PTPN13: variants seen among roughly 807,000 people sequenced by gnomAD.
The protein encoded by PTPN13 is protein tyrosine phosphatase non-receptor type 13.
PTPN13 carries 191 observed loss-of-function variants against 284.0 expected under a neutral mutation model. The observed-to-expected ratio is 0.67, with a 90% CI of 0.60 to 0.76. The LOEUF is 0.76. PTPN13 is among the 30% of genes least tolerant of loss of function. The pLI is 0.00. For missense variants in PTPN13, 2,797 were observed against 2,939.9 expected, an observed-to-expected ratio of 0.95 and a Z score of 1.12; for synonymous variants, 986 against 1,022.3, an observed-to-expected ratio of 0.96 and a Z score of 0.68.
At chr4:86,804,990 A>AT (rs1744497609) in intron 43 of PTPN13, among the ~76,000 whole-genome samples, 1 of 152,096 alleles carries the variant, frequency 6.6e-6, no homozygotes. Context: ...TTTTAATTGT[A>AT]TTTTTTTCTA....
chr4:86,803,716 C>G lies in PTPN13; in HGVS notation c.6513C>G (p.Ser2171=), dbSNP rs759831837. ...TNHEDSDKDH[S]FLTNDELAVL... is the part of the protein sequence containing the mutation. Reference sequence around the variant, plus strand: ...TTGCTGTCTTCCTATTAGATCATTCCTTTCTGACAAACGATGAGCTCGCTG... The same window carrying G: ...TTGCTGTCTTCCTATTAGATCATTCGTTTCTGACAAACGATGAGCTCGCTG... Residue 2171 remains serine (S), a synonymous_variant, in exon 43 of 48, where the codon TCC becomes TCG. Coordinates refer to ENST00000411767, the MANE Select transcript of PTPN13 (RefSeq NM_080683.3). 1 of 1,613,520 alleles carries G rather than the reference C, an allele frequency of 6.2e-7. No individual in the cohort carries two copies. Among genetic ancestry groups the G allele is most frequent in the Non-Finnish European group, 8.5e-7 (1 of 1,179,584 alleles).
chr4:86,611,160 T>A (rs1765228313), intron 1 of PTPN13, among the ~76,000 whole-genome samples: 1 of 152,178 alleles, frequency 6.6e-6, no homozygotes. Flanking sequence ...TTTGCAAGAG[T>A]TATAAAATAA....
chr4:86,600,458 T>A (rs973799969), intron 1 of PTPN13, among the ~76,000 whole-genome samples: 28 of 84,568 alleles, frequency 3.3e-4, no homozygotes, highest in East Asian at 9.4e-4. Context: ...TTTTTTTTTT[T>A]ACCTATTCTG....
chr4:86,700,716 A>G (rs1731065698), intron 6 of PTPN13, among the ~76,000 whole-genome samples: 1 of 152,202 alleles, frequency 6.6e-6, no homozygotes, highest in African/African-American at 2.4e-5. Context: ...AAATCTTGAT[A>G]CTTAAGAATT....
chr4:86,657,436 C>T (rs536351197), intron 2 of PTPN13, among the ~76,000 whole-genome samples: 1 of 152,196 alleles, frequency 6.6e-6, no homozygotes, highest in Non-Finnish European at 1.5e-5. Flanking sequence ...GGAAGATTCC[C>T]TAGGTTAGCA....
intron 1 of PTPN13, among the ~76,000 whole-genome samples, chr4:86,622,831 A>G (rs1721408327): frequency 6.6e-6 from 1 of 152,206 alleles, no homozygotes; most frequent in Admixed American, 6.5e-5. Flanking sequence ...TGCCCACCGC[A>G]TATATTCAGT....
chr4:86,699,515 A>C (rs1002992755), intron 6 of PTPN13, among the ~76,000 whole-genome samples: 4 of 152,206 alleles, frequency 2.6e-5, no homozygotes, highest in Non-Finnish European at 5.9e-5. Context: ...TAGGGAGTTA[A>C]GTTAGAAAAT....
chr4:86,797,960 T>C (rs1007096811), intron 41 of PTPN13, among the ~76,000 whole-genome samples: 72 of 152,262 alleles, frequency 4.7e-4, no homozygotes, highest in African/African-American at 1.6e-3. Flanking sequence ...TTTATTAACA[T>C]AAGCTCCATC....
chr4:86,690,314 C>G (rs746343430), intron 5 of PTPN13: 1 of 152,120 alleles, frequency 6.6e-6, no homozygotes, highest in Non-Finnish European at 1.5e-5. Context: ...TCTGTCCAGA[C>G]CAAAGTTTCT....
chr4:86,804,122 TA>T lies in PTPN13; in HGVS notation c.6654+280del, dbSNP rs76642242. The stretch of plus-strand genomic sequence containing the variant: ...GCCTCATAGTTAAGGTAAAAATGTT[TA>T]AAAAAAAAAAAAAAGCCAAGTATAA... On this transcript the variant is annotated intron_variant, in intron 43 of 47. Transcript: ENST00000411767. Among the ~76,000 whole-genome samples, 910 of 135,154 alleles carry T rather than the reference TA, an allele frequency of 6.7e-3. 6 individuals carry two copies. Among genetic ancestry groups the T allele is most frequent in the East Asian group, 0.016 (73 of 4,696 alleles). The allele number at this position is 135,154 out of a possible 152,430, so 88.7% of individuals were successfully genotyped here.
rs573298724 is a variant in PTPN13 at position 86,767,610 on chromosome 4, A to C, written c.4330-207A>C. On this transcript the variant is annotated intron_variant, in intron 27 of 47. Coordinates refer to ENST00000411767, the MANE Select transcript of PTPN13 (RefSeq NM_080683.3). The stretch of plus-strand genomic sequence containing the variant: ...ATTCTTTTTAATCATTTATCTTTCT[A>C]TACAGAAATGTAATAAAAACTTGAT... Among the ~76,000 whole-genome samples the C allele has an allele frequency of 4.6e-5, 7 of 152,080 alleles. 1 individual carries two copies. Among genetic ancestry groups the C allele is most frequent in the Admixed American group, 3.9e-4 (6 of 15,286 alleles).
chr4:86,776,649 A>G (rs560714186), intron 35 of PTPN13, among the ~76,000 whole-genome samples: 3 of 152,304 alleles, frequency 2.0e-5, no homozygotes, highest in East Asian at 3.9e-4. Flanking sequence ...AACCTACCAA[A>G]CATCACAGCT....
At chr4:86,611,176 C>A (rs1765229160) in intron 1 of PTPN13, among the ~76,000 whole-genome samples, 1 of 152,168 alleles carries the variant, frequency 6.6e-6, no homozygotes, top group Non-Finnish European at 1.5e-5. Flanking sequence ...AATAAAAATC[C>A]TCTTGTACAA....
At chr4:86,699,164 G>A (rs1490234188) in intron 6 of PTPN13, among the ~76,000 whole-genome samples, 2 of 152,066 alleles carry the variant, frequency 1.3e-5, no homozygotes. Context: ...GAGGTGGGCA[G>A]ATCACGAGGT....
chr4:86,813,980 C>CACAATTCTAT (rs1181399194), intron 47 of PTPN13, among the ~76,000 whole-genome samples: 1 of 148,206 alleles, frequency 6.7e-6, no homozygotes, highest in African/African-American at 2.5e-5. Flanking sequence ...TATAATACCA[C>CACAATTCTAT]ACAATTCTAT....
At chr4:86,603,529 G>C (rs1764492866) in intron 1 of PTPN13, among the ~76,000 whole-genome samples, 1 of 151,966 alleles carries the variant, frequency 6.6e-6, no homozygotes, top group African/African-American at 2.4e-5. Context: ...AAAATTATTT[G>C]GTATTTCTCA....
chr4:86,767,025 T>G (rs1051228728), intron 27 of PTPN13, among the ~76,000 whole-genome samples: 2 of 151,812 alleles, frequency 1.3e-5, no homozygotes, highest in Non-Finnish European at 2.9e-5. Context: ...GCTCAGGTGA[T>G]CCCCCTGCCT....
chr4:86,685,380 G>T (rs1159942291), intron 3 of PTPN13, among the ~76,000 whole-genome samples: 1 of 152,164 alleles, frequency 6.6e-6, no homozygotes, highest in East Asian at 1.9e-4. Flanking sequence ...AAGCCAAGGC[G>T]GGAGGATCTC....
chr4:86,734,435 T>A lies in PTPN13; in HGVS notation c.1991T>A (p.Met664Lys). 1 of 1,557,948 alleles carries A rather than the reference T, an allele frequency of 6.4e-7. No homozygotes were observed. Among genetic ancestry groups the A allele is most frequent in the Non-Finnish European group, 8.7e-7 (1 of 1,149,642 alleles). The change falls in exon 13 of 48, where the codon ATG (methionine) becomes AAG (lysine). Residue 664 changes from methionine to lysine, a missense_variant. Physicochemically the swap from Met to Lys is moderately conservative, Grantham distance 95 (BLOSUM62 -1). Transcript: ENST00000411767. ...TTGTTTTTCAGAATTAAATTTTTTA[T>A]GGATGATGTTAGTCTAATACAGTGA... Reference protein sequence around the residue: ...FTLFFRIKFFMDDVSLIQHTL... With the variant: ...FTLFFRIKFFKDDVSLIQHTL...
Sources: allele counts gnomAD v4.1 joint callset (sites outside exome capture counted in the v4.1 genomes callset), GRCh38; gene constraint gnomAD v4.1.1; transcripts MANE v1.5; gene names NCBI Gene and HGNC (gene_info 2026-07-23, HGNC 2026-07-21).